ZNF93: variants seen among roughly 807,000 people sequenced by gnomAD.
ZNF93 encodes zinc finger protein 505.
Under a neutral mutation model 45.0 loss-of-function variants are expected in ZNF93, and 29 were observed. That is an observed-to-expected ratio of 0.64 (90% CI 0.48 to 0.88). The LOEUF (loss-of-function observed/expected upper bound fraction) is 0.88, where lower values mean the gene tolerates loss of function less well. Ranked by LOEUF, ZNF93 falls within the 40% of genes least tolerant of loss-of-function variation. The pLI is 0.00. For synonymous variants in ZNF93, 223 were observed against 244.6 expected, an observed-to-expected ratio of 0.91 and a Z score of 0.82; for missense variants, 578 against 724.0, an observed-to-expected ratio of 0.80 and a Z score of 2.31.
chr19:19,930,344 G>GTGA (rs1020565158), intron 3 of ZNF93, among the ~76,000 whole-genome samples: 2 of 152,192 alleles, frequency 1.3e-5, no homozygotes, highest in Non-Finnish European at 2.9e-5. Flanking sequence ...GACTAGGAGC[G>GTGA]TGACCACTGA....
intron 2 of ZNF93, among the ~76,000 whole-genome samples, chr19:19,915,810 C>T (rs964282131): frequency 1.3e-5 from 2 of 152,130 alleles, no homozygotes; most frequent in African/African-American, 2.4e-5. Flanking sequence ...CCGTTGCACT[C>T]CAGCCTGGAT....
rs1400591278 is a variant in ZNF93 at position 19,912,069 on chromosome 19, AC to A, written c.4-3209del. Among the ~76,000 whole-genome samples the A allele has an allele frequency of 2.6e-5, 4 of 151,934 alleles. No homozygotes were observed. The East Asian group carries it at 7.7e-4, about 29-fold the overall frequency. On this transcript the variant is annotated intron_variant, in intron 1 of 3. Coordinates refer to ENST00000343769, the MANE Select transcript of ZNF93 (RefSeq NM_031218.4). ...TGGCCGTATATTTTCTATTTCTTTT[AC>A]CTTGCTAACTGTAGATATTTATTTT...
Position 19,935,433 on chromosome 19 carries a change from C to T in ZNF93, c.*615C>T, listed in dbSNP as rs1191429990. 6.6e-6 allele frequency: 1 copy of T among 152,450 alleles called. No homozygotes were observed. The highest frequency in any genetic ancestry group is 1.9e-4 in the East Asian group (1 of 5,196). The allele number at this position is 152,450 out of a possible 1,614,324, so 9.4% of individuals were successfully genotyped here. Reference sequence around the variant, plus strand: ...ACCTTCTAACATCAGTTTATGAAAACTTGAAAAGGTGTTTGCTCCATCAAA... The same window carrying T: ...ACCTTCTAACATCAGTTTATGAAAATTTGAAAAGGTGTTTGCTCCATCAAA... On this transcript the variant is annotated 3_prime_UTR_variant, in exon 4 of 4. Transcript: ENST00000343769.
chr19:19,921,016 T>G (rs948276362), intron 3 of ZNF93, among the ~76,000 whole-genome samples: 10 of 152,178 alleles, frequency 6.6e-5, no homozygotes, highest in Non-Finnish European at 1.3e-4. Flanking sequence ...CTTCTCTAGT[T>G]CTTTTAATTG....
At chr19:19,909,899 A>G (rs2122166441) in intron 1 of ZNF93, among the ~76,000 whole-genome samples, 1 of 152,356 alleles carries the variant, frequency 6.6e-6, no homozygotes, top group African/African-American at 2.4e-5. Context: ...TTTGGTATTG[A>G]TAGTTCCTCT....
chr19:19,910,906 T>TG (rs2063305886), intron 1 of ZNF93, among the ~76,000 whole-genome samples: 1 of 152,182 alleles, frequency 6.6e-6, no homozygotes, highest in African/African-American at 2.4e-5. Flanking sequence ...CATAGACATC[T>TG]TACAGCCCCC....
intron 3 of ZNF93, among the ~76,000 whole-genome samples, chr19:19,930,901 T>C (rs1024929791): frequency 1.3e-5 from 2 of 152,128 alleles, no homozygotes; most frequent in Admixed American, 6.5e-5. Context: ...GGTGGCTTGC[T>C]GCCCACAATA....
chr19:19,921,643 T>C (rs1439776786), intron 3 of ZNF93, among the ~76,000 whole-genome samples: 1 of 152,080 alleles, frequency 6.6e-6, no homozygotes, highest in African/African-American at 2.4e-5. Flanking sequence ...TGGGTGCATA[T>C]ATATTTAGGA....
At chr19:19,933,155 G>A in intron 3 of ZNF93, 27 bp from the exon 4 acceptor site, 2 of 1,452,234 alleles carry the variant, frequency 1.4e-6, no homozygotes, top group Non-Finnish European at 1.8e-6. Context: ...AGCAATTGAA[G>A]TAATGTGTTT....
At chr19:19,910,247 G>A (rs544093906) in intron 1 of ZNF93, among the ~76,000 whole-genome samples, 4 of 152,184 alleles carry the variant, frequency 2.6e-5, no homozygotes, top group Non-Finnish European at 5.9e-5. Context: ...CCTAAGAAAT[G>A]CAAGTCCCTT....
rs759373390 is a variant in ZNF93, at chr19:19,933,683, C to T, written c.728C>T (p.Thr243Ile). 3 of 1,612,278 alleles carry T rather than the reference C, an allele frequency of 1.9e-6. No individual in the cohort carries two copies. Among genetic ancestry groups the T allele is most frequent in the Non-Finnish European group, 2.5e-6 (3 of 1,179,328 alleles). Residue 243 changes from threonine to isoleucine, a missense_variant, in exon 4 of 4, where the codon ACC becomes ATC. Transcript: ENST00000343769. ...GACAAAGCCTTTATTGCATCCTCAA[C>T]CCTTAGTAAACATGAGATCATTCAT... Reference protein sequence around the residue: ...KCDKAFIASSTLSKHEIIHTG... With the variant: ...KCDKAFIASSILSKHEIIHTG...
chr19:19,915,541 T>C lies in ZNF93; in HGVS notation c.130+135T>C, dbSNP rs1434853004. ...CATTTTTTCCAGAAAATCTTCAGAA[T>C]TTGTTCATTTAGAAAAGAATTTCTT... On this transcript the variant is annotated intron_variant, in intron 2 of 3. Transcript: ENST00000343769. The C allele has an allele frequency of 7.8e-6, 10 of 1,278,020 alleles. No individual in the cohort carries two copies. In the Middle Eastern group the frequency reaches 8.4e-4, roughly 108 times the overall value. 79.2% of individuals were successfully genotyped at this position (1,278,020 alleles called of 1,614,324 possible).
chr19:19,927,391 T>C (rs561040896), intron 3 of ZNF93: 2 of 391,832 alleles, frequency 5.1e-6, no homozygotes, highest in African/African-American at 4.1e-5. Context: ...ATGTTAAGTA[T>C]ATTCACATTG....
intron 1 of ZNF93, among the ~76,000 whole-genome samples, chr19:19,901,407 C>T (rs534890856): frequency 6.6e-6 from 1 of 152,174 alleles, no homozygotes; most frequent in Non-Finnish European, 1.5e-5. Flanking sequence ...GGGGAGAATC[C>T]TGACTCGGAG....
At position 19,915,139 on chromosome 19, in the gene ZNF93, T is replaced by C. The variant is rs964413472; in HGVS notation, c.4-141T>C. ...GATAATACATTAGAGAATATTTCTGTGTTGAAGATTATTTTATTGGATAAT... is the reference window on the plus strand; with the variant it reads ...GATAATACATTAGAGAATATTTCTGCGTTGAAGATTATTTTATTGGATAAT... On this transcript the variant is annotated intron_variant, in intron 1 of 3. Coordinates refer to ENST00000343769, the MANE Select transcript of ZNF93 (RefSeq NM_031218.4). The C allele has an allele frequency of 3.4e-6, 5 of 1,454,766 alleles. No homozygotes were observed. In the African/African-American group the frequency reaches 4.3e-5, roughly 12 times the overall value. 90.1% of individuals were successfully genotyped at this position (1,454,766 alleles called of 1,614,324 possible). A position where few individuals can be genotyped will look rare whatever the true frequency, so the allele number is the denominator to read the frequency against.
At position 19,901,104 on chromosome 19, in the gene ZNF93, G is replaced by A; in HGVS notation, c.3+13G>A. ...AAGCCTAGAAATGGTGAGAGTGCCG[G>A]TCCGACATCCCAAGCGACGGGGAGG... On this transcript the variant is annotated intron_variant, in intron 1 of 3. Coordinates refer to ENST00000343769, the MANE Select transcript of ZNF93 (RefSeq NM_031218.4). 1 of 1,613,486 alleles carries A rather than the reference G, an allele frequency of 6.2e-7. No individual in the cohort carries two copies. Among genetic ancestry groups the A allele is most frequent in the Non-Finnish European group, 8.5e-7 (1 of 1,179,592 alleles).
chr19:19,918,112 C>T (rs1005461162), intron 3 of ZNF93, among the ~76,000 whole-genome samples: 1 of 151,916 alleles, frequency 6.6e-6, no homozygotes, highest in Non-Finnish European at 1.5e-5. Flanking sequence ...CCCCCCACCC[C>T]ACAACAGGCC....
chr19:19,918,502 T>G (rs1467266956), intron 3 of ZNF93, among the ~76,000 whole-genome samples: 1 of 152,184 alleles, frequency 6.6e-6, no homozygotes, highest in Non-Finnish European at 1.5e-5. Flanking sequence ...GTATTTCTAG[T>G]TCTAGATCCC....
At chr19:19,906,024 C>T (rs1001279108) in intron 1 of ZNF93, among the ~76,000 whole-genome samples, 1 of 152,080 alleles carries the variant, frequency 6.6e-6, no homozygotes, top group African/African-American at 2.4e-5. Flanking sequence ...TATATTTCTT[C>T]GGCCTGACAG....
Sources: gnomAD v4.1 joint callset for allele counts (sites outside exome capture counted in the v4.1 genomes callset) on GRCh38, gnomAD v4.1.1 for gene constraint, MANE v1.5 for transcripts, NCBI Gene and HGNC (gene_info 2026-07-23, HGNC 2026-07-21) for gene names.